Variants in EFNA5 observed in about 807,000 individuals in gnomAD.
The protein encoded by EFNA5 is ephrin A5.
A neutral mutation model predicts 22.9 loss-of-function variants in EFNA5; 5 were observed. The ratio of observed to expected loss-of-function variants is 0.22; its 90% CI spans 0.11 to 0.46. EFNA5 has a LOEUF of 0.46. Ranked by LOEUF, EFNA5 falls within the 20% of genes least tolerant of loss-of-function variation. The pLI, the probability that EFNA5 is intolerant of heterozygous loss-of-function variation, is 0.99. For synonymous variants in EFNA5, 113 were observed against 112.2 expected, an observed-to-expected ratio of 1.01 and a Z score of -0.04; for missense variants, 237 against 293.3, an observed-to-expected ratio of 0.81 and a Z score of 1.40.
chr5:107,453,589 T>C (rs1749615947), intron 1 of EFNA5, among the ~76,000 whole-genome samples: 1 of 152,142 alleles, frequency 6.6e-6, no homozygotes, highest in Admixed American at 6.6e-5. Flanking sequence ...TTCATGATTT[T>C]TGGAGTTGAC....
intron 1 of EFNA5, among the ~76,000 whole-genome samples, chr5:107,623,027 C>CA (rs61689503): frequency 0.3 from 9,011 of 29,932 alleles, 3,247 homozygotes; most frequent in Non-Finnish European, 0.35. Flanking sequence ...GACTCCGTCT[C>CA]AAAAAAAAAA....
intron 1 of EFNA5, among the ~76,000 whole-genome samples, chr5:107,502,240 T>C (rs1747152292): frequency 6.6e-6 from 1 of 152,200 alleles, no homozygotes. Flanking sequence ...TAATTTATGT[T>C]CATTTTATCC....
At position 107,597,807 on chromosome 5, in the gene EFNA5, G is replaced by A. The variant is rs1248095901; in HGVS notation, c.125+72682C>T. Among the ~76,000 whole-genome samples the A allele has an allele frequency of 3.9e-5, 6 of 152,232 alleles. 1 individual carries two copies. The South Asian group carries it at 1.0e-3, about 26-fold the overall frequency. On this transcript the variant is annotated intron_variant, in intron 1 of 4. Coordinates refer to ENST00000333274, the MANE Select transcript of EFNA5 (RefSeq NM_001962.3). ...AACGATATATATTCAATTTTTACAA[G>A]CACTGAGTGAGCAGAAAACTGAAAA...
At chr5:107,470,831 G>C (rs1451132534) in intron 1 of EFNA5, among the ~76,000 whole-genome samples, 2 of 151,754 alleles carry the variant, frequency 1.3e-5, no homozygotes, top group Non-Finnish European at 2.9e-5. Context: ...AGGAGTTCGA[G>C]ACCAGCCTAG....
chr5:107,530,253 T>A (rs1331058978), intron 1 of EFNA5, among the ~76,000 whole-genome samples: 2 of 152,232 alleles, frequency 1.3e-5, no homozygotes, highest in African/African-American at 4.8e-5. Flanking sequence ...TCTTGAAAGT[T>A]GTACATGGTC....
intron 2 of EFNA5, among the ~76,000 whole-genome samples, chr5:107,402,987 A>G (rs1479418389): frequency 6.6e-6 from 1 of 152,212 alleles, no homozygotes; most frequent in Non-Finnish European, 1.5e-5. Flanking sequence ...AATCATTTCA[A>G]TTCCCTGCAG....
At chr5:107,523,828 T>G (rs886507675) in intron 1 of EFNA5, among the ~76,000 whole-genome samples, 1 of 152,196 alleles carries the variant, frequency 6.6e-6, no homozygotes, top group Non-Finnish European at 1.5e-5. Flanking sequence ...TAGGGAAGAA[T>G]GACAACAGGT....
At chr5:107,396,230 G>A (rs996476793) in intron 2 of EFNA5, among the ~76,000 whole-genome samples, 2 of 152,178 alleles carry the variant, frequency 1.3e-5, no homozygotes, top group African/African-American at 4.8e-5. Context: ...TTGAGTGTAT[G>A]CATAATGATT....
chr5:107,650,782 G>C (rs539466641), intron 1 of EFNA5, among the ~76,000 whole-genome samples: 19 of 152,236 alleles, frequency 1.2e-4, no homozygotes, highest in Admixed American at 7.2e-4. Flanking sequence ...ACCTTTGCCA[G>C]CCTTCAGGAA....
chr5:107,502,779 G>A (rs937929590), intron 1 of EFNA5, among the ~76,000 whole-genome samples: 2 of 152,184 alleles, frequency 1.3e-5, no homozygotes, highest in South Asian at 2.1e-4. Flanking sequence ...GCAGGCATAC[G>A]ACACTCCATC....
intron 2 of EFNA5, among the ~76,000 whole-genome samples, chr5:107,398,449 T>C (rs944304581): frequency 2.6e-5 from 4 of 152,126 alleles, no homozygotes; most frequent in Non-Finnish European, 5.9e-5. Context: ...GCAGGAGCCA[T>C]GCCAAGTTGT....
At chr5:107,394,840 T>C (rs997799665) in intron 2 of EFNA5, among the ~76,000 whole-genome samples, 46 of 152,138 alleles carry the variant, frequency 3.0e-4, no homozygotes, top group Non-Finnish European at 4.4e-5. Flanking sequence ...TTTTTGTATA[T>C]ATTTATCTGA....
At chr5:107,583,526 GT>G (rs1749112541) in intron 1 of EFNA5, among the ~76,000 whole-genome samples, 2 of 152,166 alleles carry the variant, frequency 1.3e-5, no homozygotes, top group African/African-American at 4.8e-5. Context: ...CAATGAATGA[GT>G]TTTTACAGAA....
rs79655911 is a variant in EFNA5, at chr5:107,588,046, C to T, written c.125+82443G>A. Among the ~76,000 whole-genome samples the T allele has an allele frequency of 3.6e-3, 544 of 152,200 alleles. 4 individuals are homozygous for T. The highest frequency in any genetic ancestry group is 0.013 in the African/African-American group (532 of 41,514). On this transcript the variant is annotated intron_variant, in intron 1 of 4. Transcript: ENST00000333274. The stretch of plus-strand genomic sequence containing the variant: ...TTGGGAAGAAGGCTACATAATTTAA[C>T]CTGTGCAGAGATGAAGCTAAAAACT...
chr5:107,380,945 G>A lies in EFNA5; in HGVS notation c.*310C>T, dbSNP rs1008486923. On this transcript the variant is annotated 3_prime_UTR_variant, in exon 5 of 5. Coordinates refer to ENST00000333274, the MANE Select transcript of EFNA5 (RefSeq NM_001962.3). ...TGAGTTCTTAGAGGAGAATGCACAG[G>A]AGCTGACGAACCACTGGTGTCACTA... The A allele has an allele frequency of 1.3e-5, 6 of 452,770 alleles. No homozygotes were observed. Among genetic ancestry groups the A allele is most frequent in the African/African-American group, 9.7e-5 (5 of 51,560 alleles). The allele number at this position is 452,770 out of a possible 1,614,324, so 28.0% of individuals were successfully genotyped here. A position where few individuals can be genotyped will look rare whatever the true frequency, so the allele number is the denominator to read the frequency against.
chr5:107,617,237 C>CAGAGAG (rs35218587), intron 1 of EFNA5, among the ~76,000 whole-genome samples: 7 of 144,552 alleles, frequency 4.8e-5, no homozygotes, highest in African/African-American at 1.8e-4. Flanking sequence ...CACACACACA[C>CAGAGAG]AGAGAGAGAG....
chr5:107,637,526 G>GTC (rs1750402256), intron 1 of EFNA5, among the ~76,000 whole-genome samples: 2 of 151,706 alleles, frequency 1.3e-5, no homozygotes, highest in Admixed American at 1.3e-4. Context: ...GTCTGTGTGT[G>GTC]TGTGTGTGTG....
At chr5:107,589,363 T>G (rs969035017) in intron 1 of EFNA5, among the ~76,000 whole-genome samples, 1 of 152,040 alleles carries the variant, frequency 6.6e-6, no homozygotes, top group African/African-American at 2.4e-5. Flanking sequence ...GAAAACAAAG[T>G]GACCGAAAGA....
At chr5:107,572,811 T>C (rs1833812) in intron 1 of EFNA5, among the ~76,000 whole-genome samples, 26,257 of 152,164 alleles carry the variant, frequency 0.17, 2,684 homozygotes, top group South Asian at 0.38. Flanking sequence ...TTGTCATTTT[T>C]GTTGCTGTTG....
Sources: gnomAD v4.1 joint callset for allele counts (sites outside exome capture counted in the v4.1 genomes callset) on GRCh38, gnomAD v4.1.1 for gene constraint, MANE v1.5 for transcripts, NCBI Gene and HGNC (gene_info 2026-07-23, HGNC 2026-07-21) for gene names.